The following GLRA2 variants were observed in gnomAD, a reference collection of about 807,000 sequenced individuals.
GLRA2 encodes the protein glycine receptor alpha 2.
GLRA2 carries 11 observed loss-of-function variants against 31.6 expected under a neutral mutation model. The observed-to-expected ratio is 0.35, with a 90% CI of 0.22 to 0.58. The LOEUF is 0.58. GLRA2 is among the 20% of genes least tolerant of loss of function. GLRA2 has a pLI of 0.84. For synonymous variants in GLRA2, 132 were observed against 134.0 expected, an observed-to-expected ratio of 0.99 and a Z score of 0.10; for missense variants, 212 against 351.8, an observed-to-expected ratio of 0.60 and a Z score of 3.18.
chrX:14,628,994 C>A (rs948401989), intron 7 of GLRA2, among the ~76,000 whole-genome samples: 10 of 111,086 alleles, frequency 9.0e-5, no homozygotes, highest in African/African-American at 3.3e-4. Flanking sequence ...GTAGCTTAGG[C>A]GAGATACTGG....
intron 8 of GLRA2, among the ~76,000 whole-genome samples, chrX:14,702,852 G>C (rs1202637373): frequency 9.0e-6 from 1 of 111,570 alleles, no homozygotes; most frequent in East Asian, 2.8e-4. Flanking sequence ...GCTCCTCACA[G>C]CATGAAATGA....
chrX:14,596,712 T>C (rs1392321019), intron 4 of GLRA2, among the ~76,000 whole-genome samples: 8 of 111,469 alleles, frequency 7.2e-5, no homozygotes, highest in African/African-American at 2.6e-4. Flanking sequence ...ATAGACCTCT[T>C]TCTTAAAACC....
chrX:14,597,793 A>G (rs1001087534), intron 4 of GLRA2, among the ~76,000 whole-genome samples: 1 of 111,952 alleles, frequency 8.9e-6, no homozygotes, highest in Non-Finnish European at 1.9e-5. Context: ...AGCTGTATTC[A>G]AATCTAACTT....
At chrX:14,595,305 T>C (rs971093244) in intron 4 of GLRA2, among the ~76,000 whole-genome samples, 2 of 111,954 alleles carry the variant, frequency 1.8e-5, no homozygotes, top group Admixed American at 1.9e-4. Context: ...ATTTATTTAT[T>C]ATATATAGCA....
intron 8 of GLRA2, among the ~76,000 whole-genome samples, chrX:14,706,398 C>T (rs7882689): frequency 0.1 from 11,242 of 111,950 alleles, 809 homozygotes; most frequent in African/African-American, 0.25. Flanking sequence ...ACAAGGCATA[C>T]TATTACTATT....
chrX:14,697,611 G>A (rs963755320), intron 8 of GLRA2, among the ~76,000 whole-genome samples: 1 of 111,668 alleles, frequency 9.0e-6, no homozygotes, highest in Non-Finnish European at 1.9e-5. Context: ...ACCAGAGGCT[G>A]GGGACAGATG....
chrX:14,681,911 AT>A (rs1323192771), intron 7 of GLRA2, among the ~76,000 whole-genome samples: 61 of 56,784 alleles, frequency 1.1e-3, no homozygotes, highest in East Asian at 3.5e-3. Context: ...AAAAAAAAAA[AT>A]ATATATATAT....
intron 2 of GLRA2, among the ~76,000 whole-genome samples, chrX:14,532,927 C>G (rs750496828): frequency 1.5e-4 from 17 of 111,548 alleles, no homozygotes; most frequent in African/African-American, 5.2e-4. Context: ...CAACAAAGAT[C>G]ACAGAATTTT....
At chrX:14,699,601 T>G (rs1187953082) in intron 8 of GLRA2, among the ~76,000 whole-genome samples, 1 of 111,957 alleles carries the variant, frequency 8.9e-6, no homozygotes, top group Non-Finnish European at 1.9e-5. Flanking sequence ...TCTAGATATT[T>G]TGAAATATAC....
At chrX:14,458,896 T>G in the GLRA2 span, among the ~76,000 whole-genome samples, 2 of 111,910 alleles carry the variant, frequency 1.8e-5, no homozygotes, top group Non-Finnish European at 3.8e-5. Context: ...ATTTGTCAAT[T>G]TTGGCTTTTG....
chrX:14,521,101 T>G, the GLRA2 span, among the ~76,000 whole-genome samples: 1 of 112,702 alleles, frequency 8.9e-6, no homozygotes, highest in Non-Finnish European at 1.9e-5. Context: ...AGGTCTCACT[T>G]TGAGAGAGAG....
intron 2 of GLRA2, among the ~76,000 whole-genome samples, chrX:14,556,928 TA>T (rs1359515657): frequency 9.0e-6 from 1 of 110,869 alleles, no homozygotes; most frequent in Non-Finnish European, 1.9e-5. Context: ...AAGTATATAC[TA>T]GACACATAAT....
At chrX:14,608,918 T>TA (rs1413670382) in intron 6 of GLRA2, 73 bp from the exon 7 acceptor site, 4 of 461,981 alleles carry the variant, frequency 8.7e-6, no homozygotes, top group Non-Finnish European at 1.5e-5. Context: ...TTTTTTTTTT[T>TA]AAACAACGTG....
the GLRA2 span, among the ~76,000 whole-genome samples, chrX:14,475,183 A>G: frequency 8.9e-6 from 1 of 112,312 alleles, no homozygotes; most frequent in African/African-American, 3.2e-5. Context: ...TTCTTTTACT[A>G]AATACATTGT....
the GLRA2 span, among the ~76,000 whole-genome samples, chrX:14,459,973 GT>G: frequency 8.9e-6 from 1 of 112,003 alleles, no homozygotes; most frequent in African/African-American, 3.3e-5. Flanking sequence ...AATGCTTCCA[GT>G]TTTTGCCCAT....
At chrX:14,683,508 T>G (rs1419274033) in intron 7 of GLRA2, among the ~76,000 whole-genome samples, 1 of 111,385 alleles carries the variant, frequency 9.0e-6, no homozygotes, top group Non-Finnish European at 1.9e-5. Flanking sequence ...GCCTGTTCAC[T>G]CTGATGGTAG....
At chrX:14,533,859 T>C (rs755552227) in intron 2 of GLRA2, among the ~76,000 whole-genome samples, 29 of 111,431 alleles carry the variant, frequency 2.6e-4, no homozygotes, top group Non-Finnish European at 4.4e-4. Flanking sequence ...GGTAAATCAC[T>C]ACAGGATTCC....
At chrX:14,688,050 G>A (rs950598859) in intron 7 of GLRA2, among the ~76,000 whole-genome samples, 3 of 112,307 alleles carry the variant, frequency 2.7e-5, no homozygotes, top group African/African-American at 9.7e-5. Flanking sequence ...GTCTGTTGGA[G>A]TTTGCTGGAG....
chrX:14,689,535 A>C (rs185019224), intron 7 of GLRA2, among the ~76,000 whole-genome samples: 52 of 112,114 alleles, frequency 4.6e-4, no homozygotes, highest in African/African-American at 1.5e-3. Flanking sequence ...TCCAATTCCA[A>C]TCTTGACTCT....
Sources: allele counts gnomAD v4.1 joint callset (sites outside exome capture counted in the v4.1 genomes callset), GRCh38; gene constraint gnomAD v4.1.1; transcripts MANE v1.5; gene names NCBI Gene and HGNC (gene_info 2026-07-23, HGNC 2026-07-21).